CLN8: variants seen among roughly 807,000 people sequenced by gnomAD.
The protein encoded by CLN8 is protein CLN8.
A neutral mutation model predicts 15.7 loss-of-function variants in CLN8; 14 were observed. The ratio of observed to expected loss-of-function variants is 0.89; its 90% CI spans 0.59 to 1.39. The LOEUF is 1.39. Among genes scored for constraint, CLN8 ranks in the 40% most tolerant of loss-of-function variants. The pLI is 0.00. For synonymous variants in CLN8, 188 were observed against 151.0 expected (o/e 1.25, Z -1.80); for missense variants, 415 against 364.0 (o/e 1.14, Z -1.14).
At chr8:1,773,086 G>C (rs1801378266) in intron 2 of CLN8, 1 of 395,918 alleles carries the variant, frequency 2.5e-6, no homozygotes, top group African/African-American at 2.1e-5. Flanking sequence ...GTCAGATACT[G>C]TGCTGGCACC....
chr8:1,772,178 C>T lies in CLN8; in HGVS notation c.543+581C>T, dbSNP rs185629463. On this transcript the variant is annotated intron_variant, in intron 2 of 2. Transcript: ENST00000331222. ...GTCTTGAACTCCTGACCTTGTGGTC[C>T]GCCTGCCTGGGCCTCCCAAAGTGCT... Among the ~76,000 whole-genome samples the T allele has an allele frequency of 7.0e-4, 106 of 152,074 alleles. 1 individual carries two copies. The highest frequency in any genetic ancestry group is 4.2e-3 in the South Asian group (20 of 4,792).
rs2129013319 is a variant in CLN8 at position 1,774,950 on chromosome 8, C to T, written c.543+3353C>T. On this transcript the variant is annotated intron_variant, in intron 2 of 2. Transcript: ENST00000331222. ...GAGCTGTGATTACGCCACTGCACTC[C>T]AGCCTGGGCAAGAGTGAGACCCTAT... is the stretch of plus-strand genomic sequence containing the variant. Among the ~76,000 whole-genome samples, 2 of 152,298 alleles carry T rather than the reference C, an allele frequency of 1.3e-5. 1 individual carries two copies. Among genetic ancestry groups the T allele is most frequent in the South Asian group, 4.1e-4 (2 of 4,828 alleles).
At chr8:1,777,356 G>A (rs936424277) in intron 2 of CLN8, among the ~76,000 whole-genome samples, 4 of 152,194 alleles carry the variant, frequency 2.6e-5, no homozygotes, top group African/African-American at 9.7e-5. Context: ...TGAGTGGTGA[G>A]TGTGAGGGCC....
At chr8:1,762,635 T>C (rs1045977733), upstream of CLN8, 2 of 152,262 alleles carry the variant, frequency 1.3e-5, no homozygotes, top group African/African-American at 4.8e-5. Context: ...TAAAGGGTTA[T>C]AATAATTTTG....
chr8:1,774,625 G>A (rs999406296), intron 2 of CLN8, among the ~76,000 whole-genome samples: 6 of 152,202 alleles, frequency 3.9e-5, no homozygotes, highest in East Asian at 3.9e-4. Context: ...CTTATTCTTC[G>A]TATTTCTGTC....
chr8:1,753,817 C>T (rs1269358204), upstream of CLN8, among the ~76,000 whole-genome samples: 5 of 148,390 alleles, frequency 3.4e-5, no homozygotes, highest in Admixed American at 6.7e-5. Context: ...ACCCGGGAGG[C>T]AGAGGTTGCA....
intron 1 of CLN8, among the ~76,000 whole-genome samples, chr8:1,756,972 C>T (rs1800685958): frequency 6.6e-6 from 1 of 152,090 alleles, no homozygotes; most frequent in Non-Finnish European, 1.5e-5. Context: ...CATGAGCCAC[C>T]ATGCCTGGCC....
intron 2 of CLN8, among the ~76,000 whole-genome samples, chr8:1,777,993 C>A (rs772129895): frequency 3.9e-5 from 6 of 152,200 alleles, no homozygotes; most frequent in Non-Finnish European, 7.3e-5. Context: ...GGCGCTGAGC[C>A]CTGGGCACTG....
Position 1,783,541 on chromosome 8 carries a change from G to C in CLN8, c.*2974G>C, listed in dbSNP as rs572603137. Reference sequence around the variant, plus strand: ...ACCTATGTTTTGTTTTGTTTCTTAAGTTGGGAAACAGAATGGGCCAGGGAG... The same window carrying C: ...ACCTATGTTTTGTTTTGTTTCTTAACTTGGGAAACAGAATGGGCCAGGGAG... On this transcript the variant is annotated 3_prime_UTR_variant, in exon 3 of 3. Coordinates refer to ENST00000331222, the MANE Select transcript of CLN8 (RefSeq NM_018941.4). 2.0e-5 allele frequency: 3 copies of C among 152,200 alleles called. No individual in the cohort carries two copies. Among genetic ancestry groups the C allele is most frequent in the African/African-American group, 4.8e-5 (2 of 41,520 alleles). 9.4% of individuals were successfully genotyped at this position (152,200 alleles called of 1,614,324 possible).
intron 2 of CLN8, among the ~76,000 whole-genome samples, chr8:1,773,396 A>G (rs934247508): frequency 7.2e-5 from 11 of 152,018 alleles, no homozygotes; most frequent in Non-Finnish European, 1.3e-4. Flanking sequence ...TGGCAGGAGG[A>G]GGTTGGGGGC....
At chr8:1,755,784 C>A (rs1373578221) in exon 1 of CLN8, 1 of 152,218 alleles carries the variant, frequency 6.6e-6, no homozygotes, top group African/African-American at 2.4e-5. Context: ...CTGGAATGAA[C>A]TCCATGCTTG....
intron 2 of CLN8, 22 bp from the exon 3 acceptor site, chr8:1,780,228 C>T (rs766588540): frequency 1.2e-6 from 2 of 1,614,106 alleles, no homozygotes; most frequent in African/African-American, 1.3e-5. Flanking sequence ...TTGACTTGTG[C>T]ATTTGTCTTC....
Position 1,783,152 on chromosome 8 carries a change from T to A in CLN8, c.*2585T>A, listed in dbSNP as rs1801749244. ...GCAGTGTGAGGGGATGTAGCTATAG[T>A]GGAGCATGGTACAAGCGACATTCAT... On this transcript the variant is annotated 3_prime_UTR_variant, in exon 3 of 3. Coordinates refer to ENST00000331222, the MANE Select transcript of CLN8 (RefSeq NM_018941.4). 1 of 152,246 alleles carries A rather than the reference T, an allele frequency of 6.6e-6. No individual in the cohort carries two copies. Among genetic ancestry groups the A allele is most frequent in the Non-Finnish European group, 1.5e-5 (1 of 68,076 alleles). 9.4% of individuals were successfully genotyped at this position (152,246 alleles called of 1,614,324 possible).
At chr8:1,778,776 G>A (rs894976719) in intron 2 of CLN8, among the ~76,000 whole-genome samples, 1 of 152,158 alleles carries the variant, frequency 6.6e-6, no homozygotes, top group African/African-American at 2.4e-5. Context: ...ACTCCATTCC[G>A]CTGGCCTTTC....
chr8:1,765,873 G>A (rs1801031641), intron 1 of CLN8, among the ~76,000 whole-genome samples: 1 of 152,178 alleles, frequency 6.6e-6, no homozygotes, highest in Admixed American at 6.6e-5. Context: ...TGATTGTTGG[G>A]GTTGTAAAAC....
upstream of CLN8, chr8:1,759,661 T>C (rs545232604): frequency 1.4e-4 from 21 of 152,316 alleles, no homozygotes; most frequent in African/African-American, 3.8e-4. Flanking sequence ...CTTTGCCACA[T>C]TGAGGCTGAG....
chr8:1,763,963 G>T (rs1737586362), intron 1 of CLN8, 78 bp downstream of exon 1: 1 of 130,658 alleles, frequency 7.7e-6, no homozygotes, highest in Admixed American at 7.3e-5. Flanking sequence ...GGGTGCCCGG[G>T]TTAGGGGCCG....
chr8:1,780,103 A>G, intron 2 of CLN8, 147 bp from the exon 3 acceptor site: 1 of 1,507,156 alleles, frequency 6.6e-7, no homozygotes, highest in South Asian at 1.3e-5. Context: ...AGTCCCAATG[A>G]GAGCAGAGCC....
upstream of CLN8, among the ~76,000 whole-genome samples, chr8:1,755,499 C>A (rs574618816): frequency 6.6e-6 from 1 of 152,202 alleles, no homozygotes; most frequent in Non-Finnish European, 1.5e-5. Flanking sequence ...TGCCTCCCCC[C>A]GTTCTACCCC....
Sources: gnomAD v4.1 joint callset for allele counts (sites outside exome capture counted in the v4.1 genomes callset) on GRCh38, gnomAD v4.1.1 for gene constraint, MANE v1.5 for transcripts, NCBI Gene and HGNC (gene_info 2026-07-23, HGNC 2026-07-21) for gene names.